The following EMSY variants were observed in gnomAD, a reference collection of about 807,000 sequenced individuals.
EMSY encodes BRCA2-interacting transcriptional repressor EMSY.
A neutral mutation model predicts 134.6 loss-of-function variants in EMSY; 26 were observed. The ratio of observed to expected loss-of-function variants is 0.19; its 90% CI spans 0.14 to 0.27. The LOEUF is 0.27. Ranked by LOEUF, EMSY falls within the 10% of genes least tolerant of loss-of-function variation. EMSY has a pLI of 1.00. For synonymous variants in EMSY, 579 were observed against 577.8 expected (o/e 1.00, Z -0.03); for missense variants, 1,305 against 1,611.4 (o/e 0.81, Z 3.26).
exon 21 of EMSY, chr11:76,550,112 C>T: frequency 6.2e-6 from 10 of 1,613,306 alleles, no homozygotes; most frequent in Non-Finnish European, 8.5e-6. Flanking sequence ...GGAACTGAAC[C>T]CAGCCCTTCT....
chr11:76,472,782 T>C (rs1425633546), exon 8 of EMSY: 1 of 1,614,206 alleles, frequency 6.2e-7, no homozygotes, highest in South Asian at 1.1e-5. Flanking sequence ...CTAATACAGT[T>C]GCAGTAACAG....
chr11:76,467,116 A>G (rs1948384044), intron 7 of EMSY, among the ~76,000 whole-genome samples: 1 of 152,178 alleles, frequency 6.6e-6, no homozygotes, highest in African/African-American at 2.4e-5. Context: ...TATACTGAGG[A>G]TAATTTTTAC....
intron 9 of EMSY, chr11:76,496,741 T>C (rs1565317500): frequency 4.5e-6 from 2 of 444,570 alleles, no homozygotes; most frequent in East Asian, 1.0e-4. Context: ...AGTATTGATC[T>C]TGTATCCTTT....
chr11:76,471,101 T>G (rs903821827), intron 7 of EMSY, among the ~76,000 whole-genome samples: 3 of 152,196 alleles, frequency 2.0e-5, no homozygotes, highest in African/African-American at 7.2e-5. Flanking sequence ...ACAAATACCT[T>G]GTTCACCATC....
chr11:76,464,122 C>G, intron 7 of EMSY, 42 bp downstream of exon 8: 1 of 1,608,470 alleles, frequency 6.2e-7, no homozygotes, highest in Non-Finnish European at 8.5e-7. Context: ...TTGTTTCTTT[C>G]AGACAGTATG....
At chr11:76,516,269 A>C in exon 11 of EMSY, 1 of 1,612,790 alleles carries the variant, frequency 6.2e-7, no homozygotes, top group Non-Finnish European at 8.5e-7. Flanking sequence ...CCAAATCATT[A>C]GCTACCTTGG....
At chr11:76,447,688 G>A (rs765391708) in intron 2 of EMSY, among the ~76,000 whole-genome samples, 10 of 152,060 alleles carry the variant, frequency 6.6e-5, no homozygotes, top group Non-Finnish European at 1.3e-4. Context: ...AACTAACTTC[G>A]CCCTGTGCAT....
chr11:76,449,932 A>T (rs1220302588), intron 2 of EMSY, among the ~76,000 whole-genome samples: 1 of 151,904 alleles, frequency 6.6e-6, no homozygotes, highest in Non-Finnish European at 1.5e-5. Context: ...GGGACTATCC[A>T]AGTACAGACA....
At chr11:76,462,573 G>T (rs1326583083) in intron 6 of EMSY, among the ~76,000 whole-genome samples, 1 of 152,186 alleles carries the variant, frequency 6.6e-6, no homozygotes, top group East Asian at 1.9e-4. Flanking sequence ...ATAAGGGAAA[G>T]CTTCACTAAG....
intron 11 of EMSY, among the ~76,000 whole-genome samples, chr11:76,517,822 G>GCATACAGTTTAAA (rs571175356): frequency 2.0e-5 from 3 of 152,086 alleles, no homozygotes; most frequent in Non-Finnish European, 4.4e-5. Flanking sequence ...GATATACTTG[G>GCATACAGTTTAAA]CATACAGTTT....
At chr11:76,490,814 A>G (rs1949387889) in intron 8 of EMSY, among the ~76,000 whole-genome samples, 1 of 152,142 alleles carries the variant, frequency 6.6e-6, no homozygotes, top group Admixed American at 6.6e-5. Context: ...AGTAATAATT[A>G]GAAGCTAAGA....
intron 8 of EMSY, among the ~76,000 whole-genome samples, chr11:76,478,490 G>A (rs535604419): frequency 1.3e-5 from 2 of 151,808 alleles, no homozygotes; most frequent in South Asian, 4.2e-4. Flanking sequence ...ATACAGGCGC[G>A]TGCCACCATG....
chr11:76,507,865 C>CTTTTTTTTT (rs55756987), intron 9 of EMSY, among the ~76,000 whole-genome samples: 3 of 118,630 alleles, frequency 2.5e-5, no homozygotes, highest in Non-Finnish European at 3.7e-5. Context: ...TTTTCTTTTT[C>CTTTTTTTTT]TTTTTTTTTT....
chr11:76,503,521 C>CT (rs1167380651), intron 9 of EMSY, among the ~76,000 whole-genome samples: 1 of 152,040 alleles, frequency 6.6e-6, no homozygotes, highest in East Asian at 1.9e-4. Flanking sequence ...GAAAAATAGT[C>CT]TTTTTAACAA....
intron 7 of EMSY, among the ~76,000 whole-genome samples, chr11:76,467,064 TC>T (rs1198178325): frequency 2.0e-5 from 3 of 152,244 alleles, no homozygotes; most frequent in Non-Finnish European, 2.9e-5. Flanking sequence ...GCATATCCCT[TC>T]ATATATAGAA....
At chr11:76,450,643 T>A (rs1448630003) in intron 2 of EMSY, among the ~76,000 whole-genome samples, 1 of 150,942 alleles carries the variant, frequency 6.6e-6, no homozygotes, top group Non-Finnish European at 1.5e-5. Context: ...AGGCATGCAC[T>A]ACCACCCCCA....
chr11:76,455,877 T>G (rs1005737650), intron 4 of EMSY, among the ~76,000 whole-genome samples: 7 of 152,158 alleles, frequency 4.6e-5, no homozygotes, highest in Non-Finnish European at 8.8e-5. Context: ...CAGGAGAAAG[T>G]GTCTATCTGG....
At chr11:76,460,361 A>C in intron 6 of EMSY, 2 of 288,706 alleles carry the variant, frequency 6.9e-6, no homozygotes, top group East Asian at 5.9e-5. Context: ...TTTGATTGTC[A>C]TGAAATAGAA....
intron 8 of EMSY, among the ~76,000 whole-genome samples, chr11:76,483,987 A>G (rs1949082394): frequency 6.6e-6 from 1 of 152,202 alleles, no homozygotes; most frequent in African/African-American, 2.4e-5. Context: ...AAAACTGACC[A>G]CATAATTGGA....
Sources: allele counts gnomAD v4.1 joint callset (sites outside exome capture counted in the v4.1 genomes callset), GRCh38; gene constraint gnomAD v4.1.1; transcripts MANE v1.5; gene names NCBI Gene and HGNC (gene_info 2026-07-23, HGNC 2026-07-21).